CCDC66: variants seen among roughly 807,000 people sequenced by gnomAD.
CCDC66 encodes the protein coiled-coil domain containing 66, also known as coiled-coil domain-containing protein 66.
Under a neutral mutation model 128.3 loss-of-function variants are expected in CCDC66, and 133 were observed. The ratio of observed to expected loss-of-function variants is 1.04; its 90% CI spans 0.90 to 1.20. CCDC66 has a LOEUF of 1.20. Among genes scored for constraint, CCDC66 ranks in the 50% most tolerant of loss-of-function variants. The pLI, the probability that CCDC66 is intolerant of heterozygous loss-of-function variation, is 0.00. For missense variants in CCDC66, 1,126 were observed against 1,075.5 expected, an observed-to-expected ratio of 1.05 and a Z score of -0.66; for synonymous variants, 387 against 357.0, an observed-to-expected ratio of 1.08 and a Z score of -0.95.
At chr3:56,598,941 A>C (rs1280033785) in intron 10 of CCDC66, among the ~76,000 whole-genome samples, 1 of 152,030 alleles carries the variant, frequency 6.6e-6, no homozygotes, top group African/African-American at 2.4e-5. Context: ...TCACAGAATG[A>C]GTTAGGGAAA....
Position 56,618,377 on chromosome 3 carries a change from A to G in CCDC66, c.2378+165A>G, listed in dbSNP as rs1578071316. ...GGTTTAAGGGATAGTGTGGCACTTTAGCAGGAGCTTGAAGGCCCAAGTTGG... is the reference window on the plus strand; with the variant it reads ...GGTTTAAGGGATAGTGTGGCACTTTGGCAGGAGCTTGAAGGCCCAAGTTGG... On this transcript the variant is annotated intron_variant, in intron 15 of 17. Coordinates refer to ENST00000394672, the MANE Select transcript of CCDC66 (RefSeq NM_001141947.3). The G allele has an allele frequency of 1.7e-5, 10 of 581,676 alleles. No individual in the cohort carries two copies. In the East Asian group the frequency reaches 2.9e-4, roughly 17 times the overall value. The allele number at this position is 581,676 out of a possible 1,614,324, so 36.0% of individuals were successfully genotyped here.
In CCDC66 at chr3:56,615,282, TA is replaced by T. The variant is rs747942131; in HGVS notation, c.1711+12del. On this transcript the variant is annotated intron_variant, in intron 12 of 17. Coordinates refer to ENST00000394672, the MANE Select transcript of CCDC66 (RefSeq NM_001141947.3). ...ATTAAAAATCTTGGTGGTAAGGGCC[TA>T]ACCAGAACTTTATTTATAATATTTT... 1.9e-6 allele frequency: 3 copies of T among 1,583,626 alleles called. No homozygotes were observed. The highest frequency in any genetic ancestry group is 1.7e-4 in the Middle Eastern group (1 of 5,908).
chr3:56,606,928 C>G (rs2074155362), intron 10 of CCDC66, among the ~76,000 whole-genome samples: 2 of 150,844 alleles, frequency 1.3e-5, no homozygotes, highest in African/African-American at 2.5e-5. Flanking sequence ...TTTTTGTTTG[C>G]TTTGTCGAAG....
At chr3:56,559,083 A>G (rs1327027219) in intron 2 of CCDC66, among the ~76,000 whole-genome samples, 173 bp downstream of exon 2, 2 of 152,198 alleles carry the variant, frequency 1.3e-5, no homozygotes, top group South Asian at 2.1e-4. Flanking sequence ...ATCAGATTAC[A>G]ACACTGCTTA....
chr3:56,616,236 A>C (rs1229985157), intron 13 of CCDC66, 183 bp downstream of exon 13: 1 of 494,798 alleles, frequency 2.0e-6, no homozygotes, highest in Non-Finnish European at 3.5e-6. Flanking sequence ...TTTATCCTAC[A>C]GTTTAGTCTT....
intron 10 of CCDC66, among the ~76,000 whole-genome samples, chr3:56,612,734 G>T (rs916923259): frequency 1.2e-4 from 19 of 152,160 alleles, no homozygotes; most frequent in Admixed American, 3.9e-4. Flanking sequence ...GTAATGGCAG[G>T]TTGATTGGGC....
In CCDC66 at chr3:56,597,778, T is replaced by TTTTTTG. The variant is rs1485096970; in HGVS notation, c.1404+3755_1404+3756insGTTTTT. Among the ~76,000 whole-genome samples the TTTTTTG allele has an allele frequency of 8.8e-5, 3 of 34,212 alleles. No homozygotes were observed. In the Admixed American group the frequency reaches 1.4e-3, roughly 16 times the overall value. 22.4% of individuals were successfully genotyped at this position (34,212 alleles called of 152,430 possible). ...GTGGAGTCTAGGTTTTGTTTTGGGG[T>TTTTTTG]TTTTTTTTTTTTTTGAGACAGAGCC... is the stretch of plus-strand genomic sequence containing the variant. On this transcript the variant is annotated intron_variant, in intron 10 of 17. Transcript: ENST00000394672.
At position 56,617,463 on chromosome 3, in the gene CCDC66, T is replaced by C. The variant is rs1450814415; in HGVS notation, c.2195T>C (p.Val732Ala). 2.5e-6 allele frequency: 4 copies of C among 1,613,558 alleles called. No individual in the cohort carries two copies. Among genetic ancestry groups the C allele is most frequent in the Non-Finnish European group, 3.4e-6 (4 of 1,179,882 alleles). Reference protein sequence around the residue: ...QLQKQREEKKVRRQMELLHLV... With the variant: ...QLQKQREEKKARRQMELLHLV... ...CAAAAGCAGAGAGAAGAAAAAAAAG[T>C]AAGGAGGCAGATGGAATTGCTTCAT... The change falls in exon 14 of 18, where the codon GTA (valine) becomes GCA (alanine). Residue 732 changes from valine (V) to alanine (A), a missense_variant. Transcript: ENST00000394672.
At chr3:56,604,778 G>A (rs2073817377) in intron 10 of CCDC66, among the ~76,000 whole-genome samples, 1 of 151,778 alleles carries the variant, frequency 6.6e-6, no homozygotes, top group South Asian at 2.1e-4. Flanking sequence ...CTCTTCTCCA[G>A]GAGTATCTTT....
chr3:56,618,771 T>C (rs1046877137), intron 15 of CCDC66: 1 of 157,110 alleles, frequency 6.4e-6, no homozygotes, highest in African/African-American at 2.4e-5. Flanking sequence ...ATCTAGGAAT[T>C]AAATTTCTCC....
intron 17 of CCDC66, chr3:56,621,000 A>AAAAGTTAGTTAGTT (rs1553717622): frequency 1.3e-5 from 2 of 150,396 alleles, no homozygotes; most frequent in African/African-American, 4.9e-5. Context: ...AAAATACAAA[A>AAAAGTTAGTTAGTT]AGTTAGTTAG....
At chr3:56,616,145 T>G in intron 13 of CCDC66, 92 bp downstream of exon 13, 4 of 1,208,734 alleles carry the variant, frequency 3.3e-6, no homozygotes, top group South Asian at 1.4e-5. Flanking sequence ...AGTTCAAAAA[T>G]TAACAAAACT....
At chr3:56,574,772 C>A (rs548715873) in intron 7 of CCDC66, among the ~76,000 whole-genome samples, 1 of 151,936 alleles carries the variant, frequency 6.6e-6, no homozygotes, top group East Asian at 2.0e-4. Flanking sequence ...GCCTTGAACT[C>A]CTGGGTTCAA....
intron 3 of CCDC66, chr3:56,561,358 A>C: frequency 4.7e-6 from 2 of 426,536 alleles, no homozygotes; most frequent in South Asian, 3.6e-5. Context: ...AATAAACAGA[A>C]TTACTGGTCT....
Position 56,593,985 on chromosome 3 carries a change from T to C in CCDC66, c.1361T>C (p.Ile454Thr), listed in dbSNP as rs766882334. The C allele has an allele frequency of 4.3e-6, 7 of 1,614,084 alleles. No homozygotes were observed. In the Admixed American group the frequency reaches 5.0e-5, roughly 12 times the overall value. Residue 454 changes from isoleucine to threonine, a missense_variant, in exon 10 of 18, where the codon ATT becomes ACT. Ile to Thr is a moderately conservative substitution (Grantham distance 89). Coordinates refer to ENST00000394672, the MANE Select transcript of CCDC66 (RefSeq NM_001141947.3). ...SMTALLDPAQ[I>T]EERDRRRQKQ... ...ACTGCTCTCTTGGACCCAGCTCAGATTGAGGAACGAGACAGACGACGACAA... is the reference window on the plus strand; with the variant it reads ...ACTGCTCTCTTGGACCCAGCTCAGACTGAGGAACGAGACAGACGACGACAA...
intron 1 of CCDC66, chr3:56,557,874 T>G (rs1398688437): frequency 6.6e-6 from 1 of 152,454 alleles, no homozygotes; most frequent in South Asian, 2.1e-4. Flanking sequence ...CAGCAAATGT[T>G]ATTATGTTTT....
In CCDC66 at chr3:56,619,426, AT is replaced by A. The variant is rs1559787643; in HGVS notation, c.2538del (p.Phe846LeufsTer57). ...ELSSGISESS[H>X]FIPYVRTNEI... Reference sequence around the variant, plus strand: ...TCATCTGGGATTTCTGAATCATCCCATTTTATTCCGTATGTTCGAACAAATG... The same window carrying A: ...TCATCTGGGATTTCTGAATCATCCCATTTATTCCGTATGTTCGAACAAATG... On this transcript the variant is annotated frameshift_variant, in exon 16 of 18. Coordinates refer to ENST00000394672, the MANE Select transcript of CCDC66 (RefSeq NM_001141947.3). LOFTEE classifies it high-confidence loss of function. 3.1e-6 allele frequency: 5 copies of A among 1,613,930 alleles called. No individual in the cohort carries two copies. In the African/African-American group the frequency reaches 6.7e-5, roughly 22 times the overall value.
chr3:56,601,825 C>A (rs2073217852), intron 10 of CCDC66, among the ~76,000 whole-genome samples: 1 of 152,024 alleles, frequency 6.6e-6, no homozygotes, highest in African/African-American at 2.4e-5. Context: ...ATTTTGTATC[C>A]TGAGACTTTG....
rs538183918 is a variant in CCDC66, at chr3:56,607,125, GCTCTTTTTTGGTTCC to G, written c.1405-6463_1405-6449del. The stretch of plus-strand genomic sequence containing the variant: ...GCTTAGTCTTGCTGTGGCTATGTGG[GCTCTTTTTTGGTTCC>G]ATATGAAGTTTAGAATTGTTTTTTC... On this transcript the variant is annotated intron_variant, in intron 10 of 17. Transcript: ENST00000394672. Among the ~76,000 whole-genome samples the G allele has an allele frequency of 5.4e-4, 82 of 152,176 alleles. 1 individual carries two copies. Among genetic ancestry groups the G allele is most frequent in the Admixed American group, 5.2e-3 (79 of 15,292 alleles).
Sources: gnomAD v4.1 joint callset for allele counts (sites outside exome capture counted in the v4.1 genomes callset) on GRCh38, gnomAD v4.1.1 for gene constraint, MANE v1.5 for transcripts, NCBI Gene and HGNC (gene_info 2026-07-23, HGNC 2026-07-21) for gene names.